Variants in ESRRG observed in about 807,000 individuals in gnomAD.
ESRRG encodes estrogen-related receptor gamma.
ESRRG carries 13 observed loss-of-function variants against 44.0 expected under a neutral mutation model. The observed-to-expected ratio is 0.30, with a 90% confidence interval of 0.19 to 0.47. ESRRG has a LOEUF of 0.47. Among genes scored for constraint, ESRRG ranks in the 20% least tolerant of loss-of-function variants. ESRRG has a pLI of 1.00. For missense variants in ESRRG, 395 were observed against 580.6 expected, an observed-to-expected ratio of 0.68 and a Z score of 3.29; for synonymous variants, 215 against 214.6, an observed-to-expected ratio of 1.00 and a Z score of -0.02.
At chr1:216,816,752 T>TA (rs751480925) in intron 2 of ESRRG, among the ~76,000 whole-genome samples, 159 of 152,290 alleles carry the variant, frequency 1.0e-3, no homozygotes, top group Non-Finnish European at 2.0e-3. Context: ...GAATCATACA[T>TA]ACGACTTTTA....
At chr1:216,613,846 T>C (rs1430523404) in intron 3 of ESRRG, among the ~76,000 whole-genome samples, 1 of 152,224 alleles carries the variant, frequency 6.6e-6, no homozygotes, top group Non-Finnish European at 1.5e-5. Flanking sequence ...AGTTTTAGTT[T>C]TCTGGAATAA....
intron 2 of ESRRG, among the ~76,000 whole-genome samples, chr1:216,670,640 G>C (rs116284092): frequency 6.6e-6 from 1 of 152,176 alleles, no homozygotes; most frequent in East Asian, 1.9e-4. Context: ...GCCTGAGCGG[G>C]ACTCTCTCTT....
At chr1:217,076,876 A>C (rs1008756028) in intron 1 of ESRRG, 1 of 152,184 alleles carries the variant, frequency 6.6e-6, no homozygotes, top group African/African-American at 2.4e-5. Flanking sequence ...AAGTCACCAC[A>C]CTTTGCCCAG....
chr1:216,594,530 C>G (rs993545699), intron 3 of ESRRG, among the ~76,000 whole-genome samples: 6 of 152,148 alleles, frequency 3.9e-5, no homozygotes, highest in African/African-American at 1.4e-4. Flanking sequence ...TAAAGTGGTC[C>G]TCTACCTCCA....
At chr1:216,825,964 C>T (rs1024728308) in intron 2 of ESRRG, among the ~76,000 whole-genome samples, 18 of 152,226 alleles carry the variant, frequency 1.2e-4, no homozygotes, top group African/African-American at 3.4e-4. Context: ...TCTGAGTTGA[C>T]GGGTCAATCA....
rs117090638 is a variant in ESRRG, at chr1:217,107,833, G to A, written c.-230+29834C>T. On this transcript the variant is annotated intron_variant, in intron 1 of 8. Coordinates refer to the ESRRG transcript ENST00000366940. ...TAGGTTTTATGACTGCTGAGTCAGA[G>A]CCAAAAAATATAATTTTATGCCATA... 3.2e-4 allele frequency among the ~76,000 whole-genome samples: 48 copies of A among 152,090 alleles called. No homozygotes were observed. The East Asian group carries it at 8.7e-3, about 28-fold the overall frequency.
intron 1 of ESRRG, among the ~76,000 whole-genome samples, chr1:217,001,718 A>G (rs1223134917): frequency 6.6e-6 from 1 of 152,148 alleles, no homozygotes; most frequent in African/African-American, 2.4e-5. Flanking sequence ...GAGGAGTTAG[A>G]GTGGAGGTCA....
chr1:216,636,182 T>C (rs1258514508), intron 3 of ESRRG, among the ~76,000 whole-genome samples: 3 of 152,212 alleles, frequency 2.0e-5, no homozygotes, highest in Admixed American at 6.5e-5. Context: ...ATGATCTTAC[T>C]AGTATGCTAT....
intron 2 of ESRRG, among the ~76,000 whole-genome samples, chr1:216,807,400 A>C (rs769694516): frequency 1.3e-5 from 2 of 152,068 alleles, no homozygotes; most frequent in Admixed American, 1.3e-4. Flanking sequence ...AACATATCAC[A>C]TTGCTATTTT....
intron 2 of ESRRG, among the ~76,000 whole-genome samples, chr1:216,800,983 T>C (rs566927044): frequency 4.6e-5 from 7 of 152,146 alleles, no homozygotes; most frequent in Non-Finnish European, 8.8e-5. Context: ...ACACCAATTC[T>C]TTTTTTAATG....
chr1:216,934,331 G>A (rs144331626), intron 2 of ESRRG, among the ~76,000 whole-genome samples: 134 of 152,310 alleles, frequency 8.8e-4, no homozygotes, highest in African/African-American at 3.0e-3. Flanking sequence ...CTACTTGGGA[G>A]GCTGAGGCAG....
intron 1 of ESRRG, among the ~76,000 whole-genome samples, chr1:216,956,018 T>G (rs1167799464): frequency 6.6e-6 from 1 of 152,182 alleles, no homozygotes; most frequent in African/African-American, 2.4e-5. Context: ...TTTGACTTCA[T>G]AAATTGTTTC....
chr1:216,834,727 A>C (rs573473847), intron 2 of ESRRG, among the ~76,000 whole-genome samples: 102 of 152,340 alleles, frequency 6.7e-4, no homozygotes, highest in African/African-American at 2.4e-3. Context: ...TTGAGGCCCT[A>C]CTCATGGAAG....
chr1:216,537,567 G>A (rs561037833), intron 5 of ESRRG, among the ~76,000 whole-genome samples: 13 of 152,126 alleles, frequency 8.5e-5, no homozygotes, highest in East Asian at 7.8e-4. Flanking sequence ...GGAGAATGGG[G>A]CAGGCATGTC....
At chr1:216,509,955 A>G (rs934570960) in intron 6 of ESRRG, among the ~76,000 whole-genome samples, 2 of 152,170 alleles carry the variant, frequency 1.3e-5, no homozygotes, top group African/African-American at 4.8e-5. Flanking sequence ...GGCTCAATAG[A>G]ACTGGCATTA....
At chr1:217,134,449 A>T (rs1015903481) in intron 1 of ESRRG, among the ~76,000 whole-genome samples, 1 of 152,212 alleles carries the variant, frequency 6.6e-6, no homozygotes, top group East Asian at 1.9e-4. Context: ...AGAGAAGCGA[A>T]GCCAGCGGTC....
chr1:216,744,424 T>C (rs1243094431), intron 2 of ESRRG, among the ~76,000 whole-genome samples: 1 of 151,990 alleles, frequency 6.6e-6, no homozygotes, highest in Non-Finnish European at 1.5e-5. Flanking sequence ...TTCGATGTTT[T>C]AATCAACTCC....
chr1:216,540,250 T>G (rs910840048), intron 5 of ESRRG, among the ~76,000 whole-genome samples: 2 of 152,024 alleles, frequency 1.3e-5, no homozygotes, highest in African/African-American at 4.8e-5. Context: ...TCATATATGA[T>G]AAAACAGGTG....
At chr1:217,050,342 C>A (rs1216132666) in intron 1 of ESRRG, among the ~76,000 whole-genome samples, 9 of 152,174 alleles carry the variant, frequency 5.9e-5, no homozygotes, top group Admixed American at 5.9e-4. Context: ...TAGCCCTTCT[C>A]CAGAAAAACT....
Sources: gnomAD v4.1 joint callset for allele counts (sites outside exome capture counted in the v4.1 genomes callset) on GRCh38, gnomAD v4.1.1 for gene constraint, MANE v1.5 for transcripts, NCBI Gene and HGNC (gene_info 2026-07-23, HGNC 2026-07-21) for gene names.